The following SUGCT variants were observed in gnomAD, a reference collection of about 807,000 sequenced individuals.
SUGCT encodes the protein succinyl-CoA:glutarate CoA-transferase.
Under a neutral mutation model 55.0 loss-of-function variants are expected in SUGCT, and 41 were observed. The observed-to-expected ratio is 0.74, with a 90% CI of 0.58 to 0.97. The LOEUF (loss-of-function observed/expected upper bound fraction) is 0.97, where lower values mean the gene tolerates loss of function less well. SUGCT is among the 50% of genes least tolerant of loss of function. The probability of loss-of-function intolerance (pLI) is 0.00; values close to 1 mark genes in which losing one functional copy is unlikely to be tolerated. For synonymous variants in SUGCT, 187 were observed against 200.4 expected (o/e 0.93, Z 0.56); for missense variants, 568 against 547.8 (o/e 1.04, Z -0.37).
chr7:40,978,879 G>A, the SUGCT span, among the ~76,000 whole-genome samples: 1 of 152,288 alleles, frequency 6.6e-6, no homozygotes, highest in African/African-American at 2.4e-5. Flanking sequence ...CTTTCCAACT[G>A]CATTCTTCAT....
At chr7:40,770,066 T>C (rs1789013039) in intron 13 of SUGCT, among the ~76,000 whole-genome samples, 1 of 152,194 alleles carries the variant, frequency 6.6e-6, no homozygotes, top group African/African-American at 2.4e-5. Context: ...CCCTTCATGA[T>C]TAAGCTTGAT....
chr7:40,245,423 A>ATATATTTTTTTTTTT (rs1344678220), intron 7 of SUGCT, among the ~76,000 whole-genome samples: 1 of 54,604 alleles, frequency 1.8e-5, no homozygotes, highest in Non-Finnish European at 3.3e-5. Context: ...ATATATATAT[A>ATATATTTTTTTTTTT]TTTTTTTTTT....
chr7:40,440,145 G>GTTTTTTTT lies in SUGCT; in HGVS notation c.817-9117_817-9110dup, dbSNP rs138984553. Among the ~76,000 whole-genome samples, 34 of 68,452 alleles carry GTTTTTTTT rather than the reference G, an allele frequency of 5.0e-4. 3 individuals carry two copies. The highest frequency in any genetic ancestry group is 2.0e-3 in the African/African-American group (30 of 14,922). 44.9% of individuals were successfully genotyped at this position (68,452 alleles called of 152,430 possible). A position where few individuals can be genotyped will look rare whatever the true frequency, so the allele number is the denominator to read the frequency against. On this transcript the variant is annotated intron_variant, in intron 9 of 13. Coordinates refer to ENST00000335693, the MANE Select transcript of SUGCT (RefSeq NM_001193313.2). ...TCAAGTTTTTTGTCTGTGTGTGTGT[G>GTTTTTTTT]TTTTTTTTTTTTTTTTTTTTTTTTT...
At chr7:40,838,954 T>C (rs1793136472) in intron 13 of SUGCT, among the ~76,000 whole-genome samples, 1 of 151,836 alleles carries the variant, frequency 6.6e-6, no homozygotes, top group Non-Finnish European at 1.5e-5. Context: ...GTTTTTTTTT[T>C]TTTTTTCACA....
chr7:40,266,712 G>A (rs1360628076), intron 7 of SUGCT, among the ~76,000 whole-genome samples: 3 of 151,938 alleles, frequency 2.0e-5, no homozygotes, highest in Admixed American at 2.0e-4. Context: ...GGATGACAGA[G>A]TATAAGAAAA....
intron 13 of SUGCT, among the ~76,000 whole-genome samples, chr7:40,755,043 C>A (rs901239454): frequency 2.0e-5 from 3 of 152,080 alleles, no homozygotes; most frequent in African/African-American, 7.2e-5. Context: ...GAAAGCACTC[C>A]AGTGGAGAAA....
chr7:41,022,184 G>A, the SUGCT span, among the ~76,000 whole-genome samples: 1 of 152,094 alleles, frequency 6.6e-6, no homozygotes, highest in South Asian at 2.1e-4. Context: ...CCAAAGACAG[G>A]CAGAAGGTCT....
At chr7:40,234,815 G>A (rs936049573) in intron 6 of SUGCT, among the ~76,000 whole-genome samples, 1 of 152,020 alleles carries the variant, frequency 6.6e-6, no homozygotes, top group African/African-American at 2.4e-5. Context: ...AGGCTGAGGG[G>A]GGAGAATTGC....
chr7:40,152,930 C>T (rs1335623955), intron 1 of SUGCT: 1 of 162,108 alleles, frequency 6.2e-6, no homozygotes, highest in African/African-American at 2.4e-5. Flanking sequence ...TGGTCTCGAA[C>T]TCCTGACCTT....
chr7:40,315,495 G>A (rs923107208), intron 8 of SUGCT, among the ~76,000 whole-genome samples: 1 of 152,232 alleles, frequency 6.6e-6, no homozygotes, highest in African/African-American at 2.4e-5. Context: ...AGCTGCCACA[G>A]GCAGTTCCAA....
At chr7:41,037,856 C>T in the SUGCT span, among the ~76,000 whole-genome samples, 1 of 151,358 alleles carries the variant, frequency 6.6e-6, no homozygotes, top group Non-Finnish European at 1.5e-5. Context: ...GCTCCTAGTT[C>T]TTGGCAGGTC....
At chr7:40,474,506 C>T (rs1490746991) in intron 11 of SUGCT, among the ~76,000 whole-genome samples, 1 of 152,096 alleles carries the variant, frequency 6.6e-6, no homozygotes, top group Admixed American at 6.6e-5. Flanking sequence ...GAGGTGCCAT[C>T]CAGCACACTC....
chr7:40,943,603 C>A, the SUGCT span, among the ~76,000 whole-genome samples: 24 of 150,332 alleles, frequency 1.6e-4, no homozygotes, highest in Non-Finnish European at 3.0e-4. Context: ...CTACAAAGGA[C>A]ATGAACTCAT....
downstream of SUGCT, among the ~76,000 whole-genome samples, chr7:40,862,872 C>G (rs193121744): frequency 2.3e-3 from 347 of 152,070 alleles, no homozygotes; most frequent in African/African-American, 8.0e-3. Flanking sequence ...CTTTGTGTGA[C>G]TACCCAATTA....
At chr7:40,276,402 C>T (rs773891383) in intron 8 of SUGCT, among the ~76,000 whole-genome samples, 6 of 152,150 alleles carry the variant, frequency 3.9e-5, no homozygotes, top group African/African-American at 9.7e-5. Context: ...TCTGTGCAGT[C>T]ATGGGTAGCC....
At chr7:40,269,330 A>T (rs1791843498) in intron 7 of SUGCT, among the ~76,000 whole-genome samples, 1 of 150,956 alleles carries the variant, frequency 6.6e-6, no homozygotes, top group South Asian at 2.1e-4. Flanking sequence ...TTATTTATTT[A>T]TTTATTTTTT....
At chr7:40,869,468 G>T in the SUGCT span, among the ~76,000 whole-genome samples, 1 of 152,208 alleles carries the variant, frequency 6.6e-6, no homozygotes, top group African/African-American at 2.4e-5. Flanking sequence ...AATCAGTTTG[G>T]AAGTGGATCC....
chr7:40,224,438 GT>G (rs1419074176), intron 6 of SUGCT, among the ~76,000 whole-genome samples: 1 of 150,676 alleles, frequency 6.6e-6, no homozygotes, highest in Non-Finnish European at 1.5e-5. Flanking sequence ...GTGCATGCAT[GT>G]GTATAAGTGT....
chr7:40,433,910 C>G (rs975159465), intron 9 of SUGCT, among the ~76,000 whole-genome samples: 3 of 152,124 alleles, frequency 2.0e-5, no homozygotes, highest in African/African-American at 7.2e-5. Flanking sequence ...TAAATGAACT[C>G]TAAAATCAAA....
Sources: gnomAD v4.1 joint callset for allele counts (sites outside exome capture counted in the v4.1 genomes callset) on GRCh38, gnomAD v4.1.1 for gene constraint, MANE v1.5 for transcripts, NCBI Gene and HGNC (gene_info 2026-07-23, HGNC 2026-07-21) for gene names.